Variants in TNFRSF21 observed in about 807,000 individuals in gnomAD.
The protein encoded by TNFRSF21 is tumor necrosis factor receptor superfamily member 21.
Under a neutral mutation model 45.6 loss-of-function variants are expected in TNFRSF21, and 19 were observed. That is an observed-to-expected ratio of 0.42 (90% CI 0.29 to 0.61). The LOEUF (loss-of-function observed/expected upper bound fraction) is 0.61, where lower values mean the gene tolerates loss of function less well. Among genes scored for constraint, TNFRSF21 ranks in the 20% least tolerant of loss-of-function variants. TNFRSF21 has a pLI of 0.23. For synonymous variants in TNFRSF21, 314 were observed against 335.5 expected (o/e 0.94, Z 0.70); for missense variants, 737 against 851.5 (o/e 0.87, Z 1.67).
chr6:47,272,032 T>C (rs1762428699), intron 3 of TNFRSF21, among the ~76,000 whole-genome samples: 1 of 152,126 alleles, frequency 6.6e-6, no homozygotes, highest in Non-Finnish European at 1.5e-5. Context: ...CTTAGAGACA[T>C]ACAAACAGAC....
At chr6:47,249,137 A>G (rs2113848299) in intron 4 of TNFRSF21, among the ~76,000 whole-genome samples, 1 of 152,038 alleles carries the variant, frequency 6.6e-6, no homozygotes, top group East Asian at 1.9e-4. Flanking sequence ...CCTCCTCCCA[A>G]CCTCTTGGAT....
chr6:47,289,989 A>G (rs1762700833), intron 1 of TNFRSF21, among the ~76,000 whole-genome samples: 1 of 152,090 alleles, frequency 6.6e-6, no homozygotes, highest in Non-Finnish European at 1.5e-5. Flanking sequence ...GTGAGACTCC[A>G]TCTCAAAAAA....
At position 47,284,242 on chromosome 6, in the gene TNFRSF21, C is replaced by T. The variant is rs1186873618; in HGVS notation, c.939G>A (p.Leu313=). The T allele has an allele frequency of 6.2e-7, 1 of 1,613,766 alleles. No individual in the cohort carries two copies. Among genetic ancestry groups the T allele is most frequent in the South Asian group, 1.1e-5 (1 of 91,010 alleles). ...GPHHRHILKL[L]PSMEATGGEK... ...CGCCCCCAGTGGCCTCCATGGACGG[C>T]AGCAGCTTCAGGATGTGTCTGTGGT... Residue 313 remains leucine, a synonymous_variant, in exon 3 of 6, where the codon CTG becomes CTA. Coordinates refer to ENST00000296861, the MANE Select transcript of TNFRSF21 (RefSeq NM_014452.5).
intron 3 of TNFRSF21, among the ~76,000 whole-genome samples, chr6:47,266,989 C>T (rs951567714): frequency 6.6e-6 from 1 of 152,124 alleles, no homozygotes; most frequent in East Asian, 1.9e-4. Context: ...AGCAGGTGCT[C>T]CCCACCCTAC....
At chr6:47,278,161 C>T (rs1561947311) in intron 3 of TNFRSF21, among the ~76,000 whole-genome samples, 1 of 152,116 alleles carries the variant, frequency 6.6e-6, no homozygotes, top group Non-Finnish European at 1.5e-5. Flanking sequence ...TGGAAGCTTC[C>T]TTTAGCTCTG....
At chr6:47,278,307 C>T (rs148843210) in intron 3 of TNFRSF21, among the ~76,000 whole-genome samples, 106 of 152,222 alleles carry the variant, frequency 7.0e-4, no homozygotes, top group Admixed American at 6.2e-3. Flanking sequence ...AACAATCTGG[C>T]CTTTAAAAGC....
Position 47,232,582 on chromosome 6 carries a change from GAGA to G in TNFRSF21, c.*180_*182del, listed in dbSNP as rs1764599772. ...GTTATTTAAAAAAAAAAGAGAGAGAGAGAAGGAGAAAGAACTCAAGCACTGGCC... is the reference window on the plus strand; with the variant it reads ...GTTATTTAAAAAAAAAAGAGAGAGAGAGGAGAAAGAACTCAAGCACTGGCC... On this transcript the variant is annotated 3_prime_UTR_variant, in exon 6 of 6. Transcript: ENST00000296861. 3 of 560,474 alleles carry G rather than the reference GAGA, an allele frequency of 5.4e-6. No individual in the cohort carries two copies. Among genetic ancestry groups the G allele is most frequent in the South Asian group, 2.6e-5 (1 of 38,104 alleles). The allele number at this position is 560,474 out of a possible 1,614,324, so 34.7% of individuals were successfully genotyped here.
At chr6:47,291,480 G>T (rs376017298) in intron 1 of TNFRSF21, among the ~76,000 whole-genome samples, 130 of 152,308 alleles carry the variant, frequency 8.5e-4, no homozygotes, top group African/African-American at 3.0e-3. Flanking sequence ...ATGCGGAAAT[G>T]GAGAGACGGT....
rs1029725229 is a variant in TNFRSF21, at chr6:47,253,192, G to A, written c.1509+64C>T. On this transcript the variant is annotated intron_variant, in intron 4 of 5. Transcript: ENST00000296861. ...TATTTTTCTTTGTTCCCATACAACT[G>A]ATAAAATTTGAAGCATAGGGGCAAT... 1.3e-5 allele frequency: 20 copies of A among 1,562,630 alleles called. No individual in the cohort carries two copies. In the Admixed American group the frequency reaches 2.5e-4, roughly 20 times the overall value.
At chr6:47,236,368 C>A (rs1467869311) in intron 4 of TNFRSF21, among the ~76,000 whole-genome samples, 1 of 152,198 alleles carries the variant, frequency 6.6e-6, no homozygotes, top group East Asian at 1.9e-4. Flanking sequence ...TCCTTAGAAT[C>A]CTCATCCCTT....
chr6:47,300,046 A>G (rs1327889643), intron 1 of TNFRSF21, among the ~76,000 whole-genome samples: 1 of 152,260 alleles, frequency 6.6e-6, no homozygotes, highest in African/African-American at 2.4e-5. Context: ...TGCTGCTTGC[A>G]GTGGAAGACC....
intron 4 of TNFRSF21, among the ~76,000 whole-genome samples, chr6:47,244,121 A>C (rs549927805): frequency 7.2e-5 from 11 of 152,206 alleles, no homozygotes; most frequent in Non-Finnish European, 1.5e-4. Flanking sequence ...GGAGATAGAG[A>C]CCATCCTGGC....
chr6:47,308,804 G>A (rs1369562970), intron 1 of TNFRSF21, among the ~76,000 whole-genome samples: 1 of 152,238 alleles, frequency 6.6e-6, no homozygotes, highest in African/African-American at 2.4e-5. Flanking sequence ...CAGAACCTGA[G>A]ACCCCACCCG....
intron 3 of TNFRSF21, among the ~76,000 whole-genome samples, chr6:47,275,327 A>C (rs1052076102): frequency 6.6e-6 from 1 of 152,230 alleles, no homozygotes; most frequent in Non-Finnish European, 1.5e-5. Context: ...ATGCAGCCAT[A>C]AAAAAGATGA....
chr6:47,305,789 A>G lies in TNFRSF21; in HGVS notation c.96+3627T>C, dbSNP rs564850540. ...AGAGTTTTCTAAAACTTCAGACCTC[A>G]TATCTTTACCAATTATGGCTCCCTT... On this transcript the variant is annotated intron_variant, in intron 1 of 5. Coordinates refer to ENST00000296861, the MANE Select transcript of TNFRSF21 (RefSeq NM_014452.5). Among the ~76,000 whole-genome samples, 6 of 152,308 alleles carry G rather than the reference A, an allele frequency of 3.9e-5. No homozygotes were observed. The South Asian group carries it at 8.3e-4, about 21-fold the overall frequency.
chr6:47,262,490 T>C (rs973359412), intron 3 of TNFRSF21, among the ~76,000 whole-genome samples: 5 of 152,220 alleles, frequency 3.3e-5, no homozygotes, highest in African/African-American at 1.2e-4. Context: ...CAAAATCCCT[T>C]TCTTTGTGAA....
intron 3 of TNFRSF21, among the ~76,000 whole-genome samples, chr6:47,277,232 A>G (rs1043423748): frequency 6.6e-6 from 1 of 152,200 alleles, no homozygotes; most frequent in Non-Finnish European, 1.5e-5. Flanking sequence ...ACCTCAAATG[A>G]TCGGCCTGCC....
chr6:47,253,150 C>A, intron 4 of TNFRSF21, 106 bp downstream of exon 4: 1 of 1,297,674 alleles, frequency 7.7e-7, no homozygotes, highest in Admixed American at 2.3e-5. Context: ...GTGTGTGTGC[C>A]TATCCACCGA....
chr6:47,252,941 G>T (rs1468079545), intron 4 of TNFRSF21, among the ~76,000 whole-genome samples: 1 of 152,170 alleles, frequency 6.6e-6, no homozygotes, highest in East Asian at 1.9e-4. Flanking sequence ...ATTGTAAATG[G>T]AGTAACAAAG....
Sources: allele counts gnomAD v4.1 joint callset (sites outside exome capture counted in the v4.1 genomes callset), GRCh38; gene constraint gnomAD v4.1.1; transcripts MANE v1.5; gene names NCBI Gene and HGNC (gene_info 2026-07-23, HGNC 2026-07-21).